The following PLOD2 variants were observed in gnomAD, a reference collection of about 807,000 sequenced individuals.
PLOD2 encodes procollagen-lysine,2-oxoglutarate 5-dioxygenase 2, also known as lysine hydroxylase 2.
PLOD2 carries 65 observed loss-of-function variants against 101.0 expected under a neutral mutation model. The ratio of observed to expected loss-of-function variants is 0.64; its 90% confidence interval spans 0.53 to 0.79. The LOEUF (loss-of-function observed/expected upper bound fraction) is 0.79. Among genes scored for constraint, PLOD2 ranks in the 30% least tolerant of loss-of-function variants. The probability of loss-of-function intolerance (pLI) is 0.00; values close to 1 mark genes in which losing one functional copy is unlikely to be tolerated. For synonymous variants in PLOD2, 314 were observed against 302.9 expected, an observed-to-expected ratio of 1.04 and a Z score of -0.38; for missense variants, 909 against 914.6, an observed-to-expected ratio of 0.99 and a Z score of 0.08.
intron 1 of PLOD2, among the ~76,000 whole-genome samples, chr3:146,124,785 T>C (rs1255232312): frequency 1.3e-5 from 2 of 152,156 alleles, no homozygotes; most frequent in South Asian, 4.1e-4. Flanking sequence ...TGCTTTTTCA[T>C]GAAAATTCTT....
intron 2 of PLOD2, among the ~76,000 whole-genome samples, chr3:146,122,488 A>C (rs1390952043): frequency 6.6e-6 from 1 of 152,190 alleles, no homozygotes; most frequent in Admixed American, 6.5e-5. Flanking sequence ...TTCAGTGTGC[A>C]TCTGAATCTC....
chr3:146,106,605 T>G lies in PLOD2; in HGVS notation c.542A>C (p.Gln181Pro). 1 of 1,592,218 alleles carries G rather than the reference T, an allele frequency of 6.3e-7. No homozygotes were observed. The highest frequency in any genetic ancestry group is 8.6e-7 in the Non-Finnish European group (1 of 1,160,130). The change falls in exon 5 of 20, where the codon CAA (glutamine) becomes CCA (proline). Residue 181 changes from glutamine to proline, a missense_variant. Physicochemically the swap from Gln to Pro is moderately conservative, Grantham distance 76 (BLOSUM62 -1). Coordinates refer to ENST00000282903, the MANE Select transcript of PLOD2 (RefSeq NM_182943.3). ...ATCATTATCCTGGAGATTCCATTGT[T>G]GAACTATACGGTTGACATATGGAGC... ...GYAPYVNRIV[Q>P]QWNLQDNDDD...
intron 7 of PLOD2, among the ~76,000 whole-genome samples, chr3:146,096,830 G>A (rs1937185708): frequency 2.1e-5 from 3 of 141,716 alleles, no homozygotes; most frequent in Admixed American, 6.8e-5. Context: ...GCCCCTACTG[G>A]GAAGTGAGGA....
At chr3:146,071,223 A>G (rs553132169) in intron 18 of PLOD2, 54 bp downstream of exon 18, 2 of 1,611,196 alleles carry the variant, frequency 1.2e-6, no homozygotes, top group East Asian at 4.5e-5. Context: ...ATTAAAAAGA[A>G]CACCTGTGTA....
intron 3 of PLOD2, among the ~76,000 whole-genome samples, chr3:146,118,330 T>C (rs556623564): frequency 1.3e-5 from 2 of 152,232 alleles, no homozygotes; most frequent in South Asian, 2.1e-4. Flanking sequence ...TTGTGTAAAA[T>C]ATAACAGGAA....
intron 1 of PLOD2, among the ~76,000 whole-genome samples, chr3:146,158,104 AG>A (rs1156726462): frequency 6.6e-6 from 1 of 152,148 alleles, no homozygotes; most frequent in African/African-American, 2.4e-5. Flanking sequence ...AATTTTATCC[AG>A]GTCTGGAGAC....
At chr3:146,146,786 G>A (rs1277971610) in intron 1 of PLOD2, among the ~76,000 whole-genome samples, 1 of 152,204 alleles carries the variant, frequency 6.6e-6, no homozygotes, top group East Asian at 1.9e-4. Flanking sequence ...AGAAGTCACT[G>A]CTGAAAGTTT....
intron 13 of PLOD2, among the ~76,000 whole-genome samples, chr3:146,078,705 T>C (rs1163796342): frequency 4.6e-5 from 7 of 151,828 alleles, no homozygotes; most frequent in Non-Finnish European, 7.4e-5. Context: ...AGAGAAAATG[T>C]GGACATTAAT....
Position 146,091,844 on chromosome 3 carries a change from A to G in PLOD2, c.835T>C (p.Cys279Arg). The change falls in exon 8 of 20, where the codon TGC becomes CGC. Residue 279 changes from cysteine (C) to arginine (R), a missense_variant. Physicochemically the swap from Cys to Arg is radical, Grantham distance 180 (BLOSUM62 -3). Transcript: ENST00000282903. ...ACTGTATCGAATTCACAAAGAGTGC[A>G]GCCATTATCCTGTGTCCATGAATTG... ...VPNSWTQDNG[C>R]TLCEFDTVDL... is the part of the protein sequence containing the mutation. The G allele has an allele frequency of 6.2e-7, 1 of 1,608,550 alleles. No homozygotes were observed. The highest frequency in any genetic ancestry group is 8.5e-7 in the Non-Finnish European group (1 of 1,175,106).
intron 13 of PLOD2, 147 bp from the exon 14 acceptor site, chr3:146,078,071 T>C (rs1412330726): frequency 2.9e-6 from 2 of 684,568 alleles, no homozygotes; most frequent in Non-Finnish European, 5.3e-6. Flanking sequence ...AAGCAAAGCT[T>C]ATAGCACACA....
At chr3:146,092,970 C>CCCT (rs1254519351) in intron 7 of PLOD2, among the ~76,000 whole-genome samples, 1 of 152,034 alleles carries the variant, frequency 6.6e-6, no homozygotes, top group African/African-American at 2.4e-5. Flanking sequence ...TCCCTATTAT[C>CCCT]ATTATATGAT....
intron 15 of PLOD2, chr3:146,075,912 TTTAA>T (rs1377646066): frequency 6.6e-6 from 1 of 151,662 alleles, no homozygotes; most frequent in East Asian, 1.9e-4. Flanking sequence ...ATTATGTCGT[TTTAA>T]TTTTTTTCTT....
chr3:146,144,529 A>C (rs2031680474), intron 1 of PLOD2, among the ~76,000 whole-genome samples: 1 of 152,132 alleles, frequency 6.6e-6, no homozygotes, highest in East Asian at 1.9e-4. Context: ...ATTTTGTTTC[A>C]TGAACTTTTC....
chr3:146,087,081 T>C (rs1936803473), intron 9 of PLOD2, among the ~76,000 whole-genome samples, 173 bp from the exon 10 acceptor site: 1 of 151,962 alleles, frequency 6.6e-6, no homozygotes, highest in African/African-American at 2.4e-5. Context: ...CACTTAAATG[T>C]CACATGAATA....
At chr3:146,091,777 C>A in intron 8 of PLOD2, 23 bp downstream of exon 8, 2 of 1,249,048 alleles carry the variant, frequency 1.6e-6, no homozygotes, top group East Asian at 4.6e-5. Flanking sequence ...TACTACATTT[C>A]ACACATAATC....
intron 7 of PLOD2, 121 bp downstream of exon 7, chr3:146,102,634 T>C: frequency 1.5e-6 from 1 of 651,828 alleles, no homozygotes; most frequent in Non-Finnish European, 2.8e-6. Context: ...ATGAAGTCTT[T>C]ATTTTAGCAC....
chr3:146,106,987 G>T (rs1048006384), intron 4 of PLOD2, among the ~76,000 whole-genome samples: 6 of 152,132 alleles, frequency 3.9e-5, no homozygotes, highest in African/African-American at 1.4e-4. Flanking sequence ...ACTGAGACAA[G>T]AATTTTTTCT....
intron 1 of PLOD2, among the ~76,000 whole-genome samples, chr3:146,132,742 C>A (rs1428420558): frequency 1.3e-5 from 2 of 152,070 alleles, no homozygotes; most frequent in East Asian, 3.9e-4. Flanking sequence ...TCAAGAATTT[C>A]TAGTAGCTAG....
At position 146,096,583 on chromosome 3, in the gene PLOD2, C is replaced by G. The variant is rs1454876746; in HGVS notation, c.778-4682G>C. On this transcript the variant is annotated intron_variant, in intron 7 of 19. Transcript: ENST00000282903. ...CGCCTCTGCTGGGCCGCAACCCTGT[C>G]TGGGAGGTGAGGAGTGTCTCTGCCC... is the stretch of plus-strand genomic sequence containing the variant. Among the ~76,000 whole-genome samples, 49 of 89,550 alleles carry G rather than the reference C, an allele frequency of 5.5e-4. 2 individuals are homozygous for G. The highest frequency in any genetic ancestry group is 2.3e-3 in the African/African-American group (47 of 20,796). 58.7% of individuals were successfully genotyped at this position (89,550 alleles called of 152,430 possible). A position where few individuals can be genotyped will look rare whatever the true frequency, so the allele number is the denominator to read the frequency against.
Sources: gnomAD v4.1 joint callset for allele counts (sites outside exome capture counted in the v4.1 genomes callset) on GRCh38, gnomAD v4.1.1 for gene constraint, MANE v1.5 for transcripts, NCBI Gene and HGNC (gene_info 2026-07-23, HGNC 2026-07-21) for gene names.